Variants in TMTC1 observed in about 807,000 individuals in gnomAD.
The protein encoded by TMTC1 is protein O-mannosyl-transferase TMTC1.
A neutral mutation model predicts 104.8 loss-of-function variants in TMTC1; 73 were observed. The observed-to-expected ratio is 0.70, with a 90% CI of 0.58 to 0.85. TMTC1 has a LOEUF of 0.85. Ranked by LOEUF, TMTC1 falls within the 40% of genes least tolerant of loss-of-function variation. The pLI, the probability that TMTC1 is intolerant of heterozygous loss-of-function variation, is 0.00. For synonymous variants in TMTC1, 434 were observed against 428.7 expected (o/e 1.01, Z -0.15); for missense variants, 1,035 against 1,096.1 (o/e 0.94, Z 0.79).
intron 10 of TMTC1, among the ~76,000 whole-genome samples, chr12:29,550,463 C>A (rs956907417): frequency 2.4e-4 from 37 of 152,074 alleles, no homozygotes; most frequent in African/African-American, 8.4e-4. Flanking sequence ...GGCAACTGAG[C>A]AGACAGAGGA....
At chr12:29,676,718 T>C (rs1173402171) in intron 5 of TMTC1, among the ~76,000 whole-genome samples, 1 of 152,178 alleles carries the variant, frequency 6.6e-6, no homozygotes, top group Non-Finnish European at 1.5e-5. Flanking sequence ...AGGCAGGGGA[T>C]TAAAAATCAT....
chr12:29,738,189 G>A (rs2136935647), intron 5 of TMTC1, among the ~76,000 whole-genome samples: 1 of 152,150 alleles, frequency 6.6e-6, no homozygotes, highest in Non-Finnish European at 1.5e-5. Flanking sequence ...ACTTTTTACT[G>A]CTACTAAATG....
rs112764846 is a variant in TMTC1, at chr12:29,537,382, T to G, written c.1677-1065A>C. Among the ~76,000 whole-genome samples, 657 of 152,294 alleles carry G rather than the reference T, an allele frequency of 4.3e-3. 6 individuals carry two copies. The highest frequency in any genetic ancestry group is 0.015 in the African/African-American group (625 of 41,562). ...CAATCACATATGGTAGATATTATTG[T>G]TCTATTATTATACTCATTTTTCTAA... On this transcript the variant is annotated intron_variant, in intron 10 of 17. Transcript: ENST00000539277.
chr12:29,685,731 G>T (rs779321750), intron 5 of TMTC1, among the ~76,000 whole-genome samples: 5 of 151,986 alleles, frequency 3.3e-5, no homozygotes, highest in Non-Finnish European at 4.4e-5. Flanking sequence ...TTGTTTTTAT[G>T]TAATTTGCTA....
chr12:29,706,405 C>T (rs1187635469), intron 5 of TMTC1, among the ~76,000 whole-genome samples: 2 of 152,128 alleles, frequency 1.3e-5, no homozygotes, highest in East Asian at 3.9e-4. Flanking sequence ...ATTGCATTTT[C>T]CTTCTGCCTA....
chr12:29,540,871 T>C (rs1284813140), intron 10 of TMTC1, among the ~76,000 whole-genome samples: 1 of 151,876 alleles, frequency 6.6e-6, no homozygotes, highest in Non-Finnish European at 1.5e-5. Flanking sequence ...GGCGGGCGCC[T>C]GTAGTCCCAG....
Position 29,783,559 on chromosome 12 carries a change from G to C in TMTC1, c.193C>G (p.Pro65Ala). 1 of 1,477,328 alleles carries C rather than the reference G, an allele frequency of 6.8e-7. No individual in the cohort carries two copies. Among genetic ancestry groups the C allele is most frequent in the Non-Finnish European group, 9.0e-7 (1 of 1,116,650 alleles). 91.5% of individuals were successfully genotyped at this position (1,477,328 alleles called of 1,614,324 possible). ...ATGCCCCAGCGGAGCGGGGCGCCGG[G>C]CCGCACGTCGGGGTTGTTCACGATC... is the stretch of plus-strand genomic sequence containing the variant. ...WAIVNNPDVR[P>A]GAPLRWGIFT... The change falls in exon 1 of 18, where the codon CCC (proline) becomes GCC (alanine). Residue 65 changes from proline (P) to alanine (A), a missense_variant. Transcript: ENST00000539277. This position sits in a 1 kb window ranked among gnomAD's most constrained non-coding sequence, Gnocchi z 4.7.
At chr12:29,666,277 G>A (rs1331431224) in intron 5 of TMTC1, 1 of 392,204 alleles carries the variant, frequency 2.5e-6, no homozygotes, top group Non-Finnish European at 4.8e-6. Flanking sequence ...ACCCAGGCTG[G>A]AGTGCAGTGG....
At chr12:29,607,211 T>G (rs2136414064) in intron 6 of TMTC1, among the ~76,000 whole-genome samples, 1 of 152,344 alleles carries the variant, frequency 6.6e-6, no homozygotes, top group South Asian at 2.1e-4. Flanking sequence ...TACGTGTGTA[T>G]CTGGGTGTTT....
At position 29,729,334 on chromosome 12, in the gene TMTC1, T is replaced by C. The variant is rs535527627; in HGVS notation, c.938+22332A>G. 4.6e-5 allele frequency among the ~76,000 whole-genome samples: 7 copies of C among 152,106 alleles called. 1 individual carries two copies. The South Asian group carries it at 1.5e-3, about 32-fold the overall frequency. ...TCCTGTGTATTCTGGATCTCTCCAG[T>C]TTGTGCTCCAGATGCAGTCTCCACT... On this transcript the variant is annotated intron_variant, in intron 5 of 17. Transcript: ENST00000539277.
intron 6 of TMTC1, among the ~76,000 whole-genome samples, chr12:29,604,805 A>T (rs964655852): frequency 1.3e-4 from 20 of 152,240 alleles, no homozygotes; most frequent in African/African-American, 4.8e-4. Flanking sequence ...AAAATTTGGG[A>T]TGCCAATGGA....
rs564711007 is a variant in TMTC1, at chr12:29,686,894, T to A, written c.939-53558A>T. 1.6e-4 allele frequency among the ~76,000 whole-genome samples: 25 copies of A among 152,340 alleles called. 1 individual carries two copies. The highest frequency in any genetic ancestry group is 5.8e-4 in the African/African-American group (24 of 41,578). Reference sequence around the variant, plus strand: ...GTGCTGTATCACATGGAACAAGTGATGTATTTTCACCACATTTGGAGTTAT... The same window carrying A: ...GTGCTGTATCACATGGAACAAGTGAAGTATTTTCACCACATTTGGAGTTAT... On this transcript the variant is annotated intron_variant, in intron 5 of 17. Coordinates refer to ENST00000539277, the MANE Select transcript of TMTC1 (RefSeq NM_001193451.2).
At chr12:29,514,917 G>A (rs749453980) in intron 15 of TMTC1, among the ~76,000 whole-genome samples, 1 of 152,120 alleles carries the variant, frequency 6.6e-6, no homozygotes, top group Non-Finnish European at 1.5e-5. Context: ...GGGGGGCTGA[G>A]ATGGGAGGAT....
intron 5 of TMTC1, among the ~76,000 whole-genome samples, chr12:29,735,041 G>C (rs139849514): frequency 6.6e-6 from 1 of 152,292 alleles, no homozygotes; most frequent in South Asian, 2.1e-4. Flanking sequence ...TATGCCAACC[G>C]TGTTCACATT....
intron 11 of TMTC1, among the ~76,000 whole-genome samples, chr12:29,529,027 T>G (rs905191096): frequency 2.1e-4 from 32 of 152,196 alleles, no homozygotes; most frequent in African/African-American, 7.5e-4. Flanking sequence ...ATCTGTTTTA[T>G]GTACATATAT....
chr12:29,701,123 G>A (rs1202052181), intron 5 of TMTC1, among the ~76,000 whole-genome samples: 3 of 151,212 alleles, frequency 2.0e-5, no homozygotes, highest in African/African-American at 7.3e-5. Flanking sequence ...GGACTAATGA[G>A]ATTATTGTGG....
At chr12:29,772,118 G>A (rs1462142813) in intron 1 of TMTC1, among the ~76,000 whole-genome samples, 1 of 152,186 alleles carries the variant, frequency 6.6e-6, no homozygotes, top group Non-Finnish European at 1.5e-5. Flanking sequence ...CCTGCAGGTT[G>A]TTCTGTTTTA....
chr12:29,670,099 A>G (rs1940449148), intron 5 of TMTC1, among the ~76,000 whole-genome samples: 2 of 152,244 alleles, frequency 1.3e-5, no homozygotes, highest in Non-Finnish European at 2.9e-5. Context: ...TACTTGCAAT[A>G]CACATTTGTG....
At chr12:29,728,217 G>A (rs1017604754) in intron 5 of TMTC1, among the ~76,000 whole-genome samples, 1 of 152,158 alleles carries the variant, frequency 6.6e-6, no homozygotes, top group African/African-American at 2.4e-5. Context: ...GCAGAAGGGA[G>A]CGGAGCCAGA....
Sources: allele counts gnomAD v4.1 joint callset (sites outside exome capture counted in the v4.1 genomes callset), GRCh38; gene constraint gnomAD v4.1.1; non-coding constraint Gnocchi (gnomAD v3.1); transcripts MANE v1.5; gene names NCBI Gene and HGNC (gene_info 2026-07-23, HGNC 2026-07-21).